NUDCD3: variants seen among roughly 807,000 people sequenced by gnomAD.
NUDCD3 encodes NudC domain containing 3.
A neutral mutation model predicts 39.7 loss-of-function variants in NUDCD3; 13 were observed. That is an observed-to-expected ratio of 0.33 (90% CI 0.21 to 0.52). The LOEUF (loss-of-function observed/expected upper bound fraction) is 0.52. NUDCD3 is among the 20% of genes least tolerant of loss of function. The pLI is 0.96. For missense variants in NUDCD3, 453 were observed against 458.1 expected (o/e 0.99, Z 0.10); for synonymous variants, 175 against 172.4 (o/e 1.02, Z -0.12).
chr7:44,431,219 G>C (rs1799356680), intron 2 of NUDCD3, among the ~76,000 whole-genome samples: 1 of 152,162 alleles, frequency 6.6e-6, no homozygotes, highest in African/African-American at 2.4e-5. Flanking sequence ...TAGGAGGCAG[G>C]GGAGGGAGCA....
chr7:44,444,059 A>G (rs1393052097), intron 2 of NUDCD3, among the ~76,000 whole-genome samples: 2 of 152,258 alleles, frequency 1.3e-5, no homozygotes, highest in African/African-American at 4.8e-5. Context: ...AGACGCTATC[A>G]TGTGAAAAGG....
At chr7:44,450,644 A>T (rs1799777952) in intron 2 of NUDCD3, among the ~76,000 whole-genome samples, 1 of 144,384 alleles carries the variant, frequency 6.9e-6, no homozygotes, top group African/African-American at 2.5e-5. Flanking sequence ...AATGTTAATT[A>T]AAAAAAAAAA....
chr7:44,427,812 G>T, intron 2 of NUDCD3, 109 bp from the exon 3 acceptor site: 1 of 1,157,732 alleles, frequency 8.6e-7, no homozygotes, highest in African/African-American at 1.5e-5. Flanking sequence ...ACCAACTCAA[G>T]TTTCATCTCA....
At chr7:44,395,867 G>T (rs1288905875) in intron 4 of NUDCD3, among the ~76,000 whole-genome samples, 1 of 152,152 alleles carries the variant, frequency 6.6e-6, no homozygotes, top group Non-Finnish European at 1.5e-5. Context: ...TGTGAATAAT[G>T]CTGCTATGAA....
chr7:44,451,225 A>G (rs1319694583), intron 2 of NUDCD3, among the ~76,000 whole-genome samples: 1 of 152,242 alleles, frequency 6.6e-6, no homozygotes. Context: ...GAAATAAGCC[A>G]GGCACACAAA....
At chr7:44,458,664 A>G (rs780173528) in intron 2 of NUDCD3, among the ~76,000 whole-genome samples, 5 of 93,162 alleles carry the variant, frequency 5.4e-5, no homozygotes, top group Non-Finnish European at 9.8e-5. Flanking sequence ...GTCTCGGGGG[A>G]AAAAAAAAGT....
chr7:44,392,592 G>T, intron 4 of NUDCD3, 107 bp from the exon 5 acceptor site: 1 of 937,764 alleles, frequency 1.1e-6, no homozygotes, highest in South Asian at 1.6e-5. Context: ...ATAAGCTCAG[G>T]ACCAACTACA....
intron 3 of NUDCD3, among the ~76,000 whole-genome samples, chr7:44,412,926 CAAAAAAAAAAAA>C (rs767754442): frequency 0.017 from 732 of 43,896 alleles, 6 homozygotes; most frequent in Non-Finnish European, 0.028. Flanking sequence ...GACGCCGTCT[CAAAAAAAAAAAA>C]AAAAGAAAAA....
At chr7:44,414,255 A>G (rs1193079483) in intron 3 of NUDCD3, among the ~76,000 whole-genome samples, 1 of 152,196 alleles carries the variant, frequency 6.6e-6, no homozygotes, top group East Asian at 1.9e-4. Flanking sequence ...GAAGGGGGCA[A>G]AAGCAAAGAA....
intron 3 of NUDCD3, among the ~76,000 whole-genome samples, chr7:44,408,887 G>A (rs1380327459): frequency 6.6e-6 from 1 of 152,210 alleles, no homozygotes; most frequent in Non-Finnish European, 1.5e-5. Context: ...TCAAAGAACT[G>A]TCATCATTTG....
chr7:44,489,396 C>A (rs1230006537), intron 1 of NUDCD3, among the ~76,000 whole-genome samples: 1 of 152,222 alleles, frequency 6.6e-6, no homozygotes, highest in African/African-American at 2.4e-5. Flanking sequence ...CCAAGACATT[C>A]AAAGCTTTGG....
chr7:44,403,168 GA>G (rs1252818015), intron 4 of NUDCD3, among the ~76,000 whole-genome samples: 1 of 152,190 alleles, frequency 6.6e-6, no homozygotes, highest in Non-Finnish European at 1.5e-5. Flanking sequence ...ATGGGCAGGG[GA>G]GCACACAGGG....
At chr7:44,488,591 C>G (rs1800666677) in intron 1 of NUDCD3, among the ~76,000 whole-genome samples, 1 of 152,144 alleles carries the variant, frequency 6.6e-6, no homozygotes, top group Non-Finnish European at 1.5e-5. Flanking sequence ...TTCCAATAGC[C>G]TATGGGCAGG....
At chr7:44,415,315 TATTCTGTGGGTACACTGAAG>T (rs1275833486) in intron 3 of NUDCD3, among the ~76,000 whole-genome samples, 3 of 152,232 alleles carry the variant, frequency 2.0e-5, no homozygotes, top group Admixed American at 2.0e-4. Context: ...TCCTTGTCTC[TATTCTGTGGGTACACTGAAG>T]AGAGAGAGAG....
intron 2 of NUDCD3, among the ~76,000 whole-genome samples, chr7:44,459,641 A>ACT (rs1209026061): frequency 3.3e-5 from 5 of 152,242 alleles, no homozygotes; most frequent in African/African-American, 1.2e-4. Flanking sequence ...GTAATTAATT[A>ACT]AACAACTGCT....
chr7:44,455,609 A>G (rs1420459230), intron 2 of NUDCD3, among the ~76,000 whole-genome samples: 1 of 152,160 alleles, frequency 6.6e-6, no homozygotes, highest in African/African-American at 2.4e-5. Context: ...TGTGCATGAC[A>G]GCGCAAGTGT....
At chr7:44,398,037 C>A (rs1276719383) in intron 4 of NUDCD3, among the ~76,000 whole-genome samples, 2 of 152,148 alleles carry the variant, frequency 1.3e-5, no homozygotes, top group Non-Finnish European at 2.9e-5. Context: ...GTGGGGTGTT[C>A]ACTCAGGTTA....
At chr7:44,470,864 C>T (rs915607806) in intron 2 of NUDCD3, among the ~76,000 whole-genome samples, 1 of 152,240 alleles carries the variant, frequency 6.6e-6, no homozygotes, top group East Asian at 1.9e-4. Context: ...CAAAGTACAA[C>T]TCTGAGTTGC....
At position 44,392,404 on chromosome 7, in the gene NUDCD3, T is replaced by C; in HGVS notation, c.868A>G (p.Lys290Glu). 1 of 1,614,100 alleles carries C rather than the reference T, an allele frequency of 6.2e-7. No homozygotes were observed. Among genetic ancestry groups the C allele is most frequent in the African/African-American group, 1.3e-5 (1 of 75,030 alleles). ...EEPIDIDKIN[K>E]ERSMATVDEE... ...TCCACGGTGGCCATGGAGCGCTCCTTGTTGATCTTGTCAATGTCGATGGGC... is the reference window on the plus strand; with the variant it reads ...TCCACGGTGGCCATGGAGCGCTCCTCGTTGATCTTGTCAATGTCGATGGGC... The change falls in exon 5 of 6, where the codon AAG becomes GAG. Residue 290 changes from lysine to glutamate, a missense_variant. Lys to Glu is a moderately conservative substitution (Grantham distance 56, BLOSUM62 1). Coordinates refer to ENST00000355451, the MANE Select transcript of NUDCD3 (RefSeq NM_015332.4).
Sources: allele counts gnomAD v4.1 joint callset (sites outside exome capture counted in the v4.1 genomes callset), GRCh38; gene constraint gnomAD v4.1.1; transcripts MANE v1.5; gene names NCBI Gene and HGNC (gene_info 2026-07-23, HGNC 2026-07-21).